XRCC5: variants seen among roughly 807,000 people sequenced by gnomAD.
The protein encoded by XRCC5 is X-ray repair cross complementing 5, also known as DNA repair protein Ku80.
A neutral mutation model predicts 95.7 loss-of-function variants in XRCC5; 12 were observed. That is an observed-to-expected ratio of 0.13 (90% confidence interval 0.08 to 0.20). XRCC5 has a LOEUF of 0.20. Ranked by LOEUF, XRCC5 falls within the 10% of genes least tolerant of loss-of-function variation. The pLI is 1.00. For synonymous variants in XRCC5, 281 were observed against 290.3 expected, an observed-to-expected ratio of 0.97 and a Z score of 0.33; for missense variants, 595 against 873.9, an observed-to-expected ratio of 0.68 and a Z score of 4.02.
intron 16 of XRCC5, 71 bp downstream of exon 16, chr2:216,162,119 ACTGTAG>A: frequency 7.1e-7 from 1 of 1,408,230 alleles, no homozygotes; most frequent in East Asian, 2.3e-5. Flanking sequence ...TAGATTAAGA[ACTGTAG>A]CCTTTTGTTG....
intron 19 of XRCC5, among the ~76,000 whole-genome samples, chr2:216,201,742 C>CT (rs1344946347): frequency 1.3e-5 from 2 of 152,152 alleles, no homozygotes; most frequent in Non-Finnish European, 2.9e-5. Context: ...CGGAGAATCT[C>CT]TTGCTTTTAT....
chr2:216,192,448 A>G (rs1689631446), intron 17 of XRCC5, among the ~76,000 whole-genome samples, 191 bp from the exon 18 acceptor site: 1 of 152,240 alleles, frequency 6.6e-6, no homozygotes, highest in Non-Finnish European at 1.5e-5. Context: ...CCTTCCACAG[A>G]TGGAAGGATT....
rs1160005959 is a variant in XRCC5 at position 216,202,382 on chromosome 2, C to A, written c.2110-1940C>A. ...AAAGTATGATAATAACCCGGAAAAC[C>A]CCAAATAAAAACCCATTTGAGAATC... On this transcript the variant is annotated intron_variant, in intron 19 of 20. Transcript: ENST00000392132. Among the ~76,000 whole-genome samples, 4 of 152,054 alleles carry A rather than the reference C, an allele frequency of 2.6e-5. No individual in the cohort carries two copies. In the South Asian group the frequency reaches 8.3e-4, roughly 32 times the overall value.
chr2:216,163,962 A>T (rs1689003578), intron 16 of XRCC5, among the ~76,000 whole-genome samples: 1 of 152,274 alleles, frequency 6.6e-6, no homozygotes, highest in South Asian at 2.1e-4. Flanking sequence ...ACACAAAACA[A>T]AACCTCATGT....
intron 17 of XRCC5, 37 bp from the exon 18 acceptor site, chr2:216,192,602 G>A: frequency 6.7e-7 from 1 of 1,496,764 alleles, no homozygotes; most frequent in African/African-American, 1.4e-5. Flanking sequence ...TGTTTGCTCT[G>A]ACTTGCTGCC....
intron 12 of XRCC5, 75 bp from the exon 13 acceptor site, chr2:216,141,111 T>G: frequency 6.4e-7 from 1 of 1,569,294 alleles, no homozygotes; most frequent in Non-Finnish European, 8.7e-7. Context: ...GCCGTGGATA[T>G]CTCTACGTAG....
At chr2:216,178,179 A>G (rs1450245317) in intron 16 of XRCC5, among the ~76,000 whole-genome samples, 5 of 152,246 alleles carry the variant, frequency 3.3e-5, no homozygotes, top group African/African-American at 1.2e-4. Flanking sequence ...AATAGAAACA[A>G]TTGTTTTTTA....
intron 16 of XRCC5, chr2:216,175,218 C>T (rs556837637): frequency 7.7e-4 from 284 of 371,236 alleles, no homozygotes; most frequent in Non-Finnish European, 1.1e-3. Context: ...TGTTGCCCAC[C>T]GTCACCTCCA....
At chr2:216,154,216 G>T (rs1270055287) in intron 14 of XRCC5, among the ~76,000 whole-genome samples, 1 of 152,212 alleles carries the variant, frequency 6.6e-6, no homozygotes, top group Non-Finnish European at 1.5e-5. Flanking sequence ...ACAAATGCCT[G>T]CCTTCCAGGA....
intron 14 of XRCC5, among the ~76,000 whole-genome samples, chr2:216,155,656 A>G (rs909860099): frequency 1.3e-5 from 2 of 152,220 alleles, no homozygotes; most frequent in African/African-American, 2.4e-5. Flanking sequence ...TAACAGCCAC[A>G]TGGACAGATC....
chr2:216,176,280 G>A (rs1010285604), intron 16 of XRCC5, among the ~76,000 whole-genome samples: 1 of 151,948 alleles, frequency 6.6e-6, no homozygotes, highest in African/African-American at 2.4e-5. Context: ...CACCACACCC[G>A]GCAAACTTTT....
At chr2:216,167,416 T>C (rs886126079) in intron 16 of XRCC5, among the ~76,000 whole-genome samples, 9 of 152,182 alleles carry the variant, frequency 5.9e-5, no homozygotes, top group African/African-American at 2.2e-4. Context: ...CCAAATAGTT[T>C]TCAGTGTTGG....
chr2:216,153,321 T>C (rs966041657), intron 14 of XRCC5, among the ~76,000 whole-genome samples: 1 of 152,230 alleles, frequency 6.6e-6, no homozygotes, highest in Non-Finnish European at 1.5e-5. Context: ...TTTCAATCTT[T>C]GGCAGCTCCC....
At chr2:216,156,808 C>T in intron 14 of XRCC5, 2 of 470,166 alleles carry the variant, frequency 4.3e-6, no homozygotes, top group South Asian at 3.1e-5. Flanking sequence ...TGTCCAGTAG[C>T]CATTTTTCAA....
rs528825368 is a variant in XRCC5, at chr2:216,122,958, A to G, written c.683+705A>G. ...TATTCTTGGTTGGAATTGGACATACATGCATTTTGAGCAAAGAACCTAAGA... is the reference window on the plus strand; with the variant it reads ...TATTCTTGGTTGGAATTGGACATACGTGCATTTTGAGCAAAGAACCTAAGA... On this transcript the variant is annotated intron_variant, in intron 6 of 20. Coordinates refer to ENST00000392132, the MANE Select transcript of XRCC5 (RefSeq NM_021141.4). 6.3e-4 allele frequency among the ~76,000 whole-genome samples: 96 copies of G among 152,326 alleles called. 1 individual carries two copies. In the South Asian group the frequency reaches 0.019, roughly 31 times the overall value.
intron 13 of XRCC5, among the ~76,000 whole-genome samples, chr2:216,146,724 G>A (rs1345693829): frequency 6.6e-6 from 1 of 152,168 alleles, no homozygotes; most frequent in Non-Finnish European, 1.5e-5. Context: ...GGCAGGATAG[G>A]TGGTTGAATG....
intron 5 of XRCC5, among the ~76,000 whole-genome samples, chr2:216,119,850 A>G (rs187023566): frequency 6.6e-6 from 1 of 152,346 alleles, no homozygotes; most frequent in East Asian, 1.9e-4. Flanking sequence ...TCTTTTCACT[A>G]CACTAACCCT....
Position 216,192,695 on chromosome 2 carries a change from A to G in XRCC5, c.2001A>G (p.Glu667=). 1 of 1,600,036 alleles carries G rather than the reference A, an allele frequency of 6.2e-7. No individual in the cohort carries two copies. Among genetic ancestry groups the G allele is most frequent in the East Asian group, 2.3e-5 (1 of 44,208 alleles). ...NFLKALQEKV[E]IKQLNHFWEI... is the part of the protein sequence containing the mutation. The stretch of plus-strand genomic sequence containing the variant: ...TGAAAGCCCTTCAAGAGAAAGTGGA[A>G]ATTAAACAATTAAATCATTTCTGGG... Residue 667 remains glutamate (E), a synonymous_variant, in exon 18 of 21, where the codon GAA becomes GAG. Transcript: ENST00000392132.
At chr2:216,144,561 A>T (rs1574464611) in intron 13 of XRCC5, among the ~76,000 whole-genome samples, 1 of 152,344 alleles carries the variant, frequency 6.6e-6, no homozygotes, top group Non-Finnish European at 1.5e-5. Flanking sequence ...AGATAACAGG[A>T]TCCTAGCTTG....
Sources: allele counts gnomAD v4.1 joint callset (sites outside exome capture counted in the v4.1 genomes callset), GRCh38; gene constraint gnomAD v4.1.1; transcripts MANE v1.5; gene names NCBI Gene and HGNC (gene_info 2026-07-23, HGNC 2026-07-21).